The following TNFAIP8 variants were observed in gnomAD, a reference collection of about 807,000 sequenced individuals.
TNFAIP8 encodes the protein tumor necrosis factor alpha-induced protein 8.
Under a neutral mutation model 13.3 loss-of-function variants are expected in TNFAIP8, and 7 were observed. The ratio of observed to expected loss-of-function variants is 0.52; its 90% CI spans 0.30 to 0.99. The LOEUF (loss-of-function observed/expected upper bound fraction) is 0.99. Ranked by LOEUF, TNFAIP8 falls within the 50% of genes least tolerant of loss-of-function variation. TNFAIP8 has a pLI of 0.07. For missense variants in TNFAIP8, 258 were observed against 236.9 expected, an observed-to-expected ratio of 1.09 and a Z score of -0.58; for synonymous variants, 94 against 87.6, an observed-to-expected ratio of 1.07 and a Z score of -0.41.
chr5:119,338,734 A>C (rs7703577), intron 1 of TNFAIP8, among the ~76,000 whole-genome samples: 15,975 of 152,254 alleles, frequency 0.1, 1,053 homozygotes, highest in African/African-American at 0.2. Flanking sequence ...TACAAGAAAG[A>C]GAAACCCCAA....
chr5:119,397,520 G>A lies in TNFAIP8; in HGVS notation c.*4139G>A, dbSNP rs1465518491. 1 of 152,162 alleles carries A rather than the reference G, an allele frequency of 6.6e-6. No homozygotes were observed. The highest frequency in any genetic ancestry group is 1.5e-5 in the Non-Finnish European group (1 of 68,022). The allele number at this position is 152,162 out of a possible 1,614,324, so 9.4% of individuals were successfully genotyped here. On this transcript the variant is annotated 3_prime_UTR_variant, in exon 2 of 2. Coordinates refer to ENST00000504771, the MANE Select transcript of TNFAIP8 (RefSeq NM_014350.4). Reference sequence around the variant, plus strand: ...TTTACTTGATATATTGCATTCTTGAGCATTAGGCTTCTAGGTGATTTGTTA... The same window carrying A: ...TTTACTTGATATATTGCATTCTTGAACATTAGGCTTCTAGGTGATTTGTTA...
chr5:119,371,517 A>G (rs1752070440), intron 1 of TNFAIP8, among the ~76,000 whole-genome samples: 1 of 152,224 alleles, frequency 6.6e-6, no homozygotes, highest in Admixed American at 6.5e-5. Context: ...GGCATAAATT[A>G]AACAATTAAC....
At chr5:119,371,997 C>T (rs577341604) in intron 1 of TNFAIP8, among the ~76,000 whole-genome samples, 9 of 152,100 alleles carry the variant, frequency 5.9e-5, no homozygotes, top group Non-Finnish European at 1.0e-4. Flanking sequence ...ATTAGCCGGG[C>T]GTGGTGGCGG....
At chr5:119,364,163 A>G (rs555021194) in intron 1 of TNFAIP8, among the ~76,000 whole-genome samples, 2 of 152,232 alleles carry the variant, frequency 1.3e-5, no homozygotes, top group East Asian at 1.9e-4. Context: ...TTAAACCTCT[A>G]ATCACCTGAT....
intron 1 of TNFAIP8, among the ~76,000 whole-genome samples, chr5:119,328,458 T>G (rs1750287805): frequency 6.6e-6 from 1 of 152,232 alleles, no homozygotes; most frequent in Non-Finnish European, 1.5e-5. Flanking sequence ...TGGATTGTTG[T>G]CTTTTCAAGA....
chr5:119,352,420 T>G (rs6874848), upstream of TNFAIP8, among the ~76,000 whole-genome samples: 1 of 152,100 alleles, frequency 6.6e-6, no homozygotes, highest in African/African-American at 2.4e-5. Context: ...CCTCAGCAGG[T>G]TAGAAAAAAA....
chr5:119,288,803 A>G (rs1748895265), intron 1 of TNFAIP8, among the ~76,000 whole-genome samples: 1 of 152,238 alleles, frequency 6.6e-6, no homozygotes, highest in African/African-American at 2.4e-5. Context: ...TAAATACCAG[A>G]ATCTCTTTGA....
intron 1 of TNFAIP8, among the ~76,000 whole-genome samples, chr5:119,290,093 A>T (rs972952153): frequency 6.6e-6 from 1 of 151,780 alleles, no homozygotes; most frequent in Non-Finnish European, 1.5e-5. Context: ...GGACTTATTA[A>T]TCTAGTTGTA....
intron 1 of TNFAIP8, among the ~76,000 whole-genome samples, chr5:119,387,723 T>C (rs1237384396): frequency 6.6e-6 from 1 of 152,190 alleles, no homozygotes; most frequent in Admixed American, 6.5e-5. Flanking sequence ...TCCCTAAATA[T>C]CACTTTGCCT....
In TNFAIP8 at chr5:119,281,626, A is replaced by G. The variant is rs545656025; in HGVS notation, c.1+12719A>G. On this transcript the variant is annotated intron_variant, in intron 1 of 1. Transcript: ENST00000274456. Reference sequence around the variant, plus strand: ...AAATAATTTCTTTGGCATATGCCATACTAATTCTTTCCCACCTTAAAAAAA... The same window carrying G: ...AAATAATTTCTTTGGCATATGCCATGCTAATTCTTTCCCACCTTAAAAAAA... Among the ~76,000 whole-genome samples, 4 of 152,342 alleles carry G rather than the reference A, an allele frequency of 2.6e-5. No individual in the cohort carries two copies. The South Asian group carries it at 8.3e-4, about 32-fold the overall frequency.
intron 1 of TNFAIP8, among the ~76,000 whole-genome samples, chr5:119,317,857 A>G (rs1294966232): frequency 6.6e-6 from 1 of 152,126 alleles, no homozygotes; most frequent in African/African-American, 2.4e-5. Context: ...CTTGGCTCCC[A>G]AAGTGCTGGG....
chr5:119,353,671 A>C (rs202204912), upstream of TNFAIP8, among the ~76,000 whole-genome samples: 1,058 of 117,762 alleles, frequency 9.0e-3, 4 homozygotes, highest in Non-Finnish European at 0.014. Context: ...GGAGCGCTTG[A>C]ACTATTCATT....
intron 1 of TNFAIP8, among the ~76,000 whole-genome samples, chr5:119,346,715 A>AAAT (rs1463347394): frequency 6.6e-6 from 1 of 152,230 alleles, no homozygotes; most frequent in Admixed American, 6.5e-5. Flanking sequence ...AATTCGCTTG[A>AAAT]AATAGTCATT....
Position 119,393,771 on chromosome 5 carries a change from A to C in TNFAIP8, c.*390A>C. The stretch of plus-strand genomic sequence containing the variant: ...TTTTGATTTACTTTCATTTCTTGCT[A>C]TGTATATGTACTTTTCTTAAAATGC... On this transcript the variant is annotated 3_prime_UTR_variant, in exon 2 of 2. Coordinates refer to ENST00000504771, the MANE Select transcript of TNFAIP8 (RefSeq NM_014350.4). The C allele has an allele frequency of 5.6e-6, 1 of 179,878 alleles. No homozygotes were observed. Among genetic ancestry groups the C allele is most frequent in the Non-Finnish European group, 1.2e-5 (1 of 83,274 alleles). The allele number at this position is 179,878 out of a possible 1,614,324, so 11.1% of individuals were successfully genotyped here.
chr5:119,387,544 AGTG>A (rs1752728689), intron 1 of TNFAIP8, among the ~76,000 whole-genome samples: 1 of 152,164 alleles, frequency 6.6e-6, no homozygotes, highest in Non-Finnish European at 1.5e-5. Flanking sequence ...GAAAATTCTC[AGTG>A]GGAGTAGTTA....
At chr5:119,322,344 G>A (rs1053622319) in intron 1 of TNFAIP8, among the ~76,000 whole-genome samples, 36 of 152,006 alleles carry the variant, frequency 2.4e-4, no homozygotes, top group African/African-American at 8.5e-4. Context: ...TACTCCTTGA[G>A]GAGTGGTCCC....
intron 1 of TNFAIP8, among the ~76,000 whole-genome samples, chr5:119,376,832 C>G (rs188718381): frequency 1.3e-5 from 2 of 152,120 alleles, no homozygotes; most frequent in African/African-American, 2.4e-5. Context: ...CTGTGGGAGA[C>G]TTCACCAACT....
At chr5:119,371,848 C>G (rs952535681) in intron 1 of TNFAIP8, among the ~76,000 whole-genome samples, 1 of 151,914 alleles carries the variant, frequency 6.6e-6, no homozygotes, top group African/African-American at 2.4e-5. Context: ...ATGGCAAAAC[C>G]CCATCTCGGC....
intron 1 of TNFAIP8, among the ~76,000 whole-genome samples, chr5:119,380,097 A>G (rs1280522004): frequency 6.6e-6 from 1 of 152,202 alleles, no homozygotes; most frequent in Non-Finnish European, 1.5e-5. Flanking sequence ...GCCACTGTTT[A>G]TGCACCCTTA....
Sources: allele counts gnomAD v4.1 joint callset (sites outside exome capture counted in the v4.1 genomes callset), GRCh38; gene constraint gnomAD v4.1.1; transcripts MANE v1.5; gene names NCBI Gene and HGNC (gene_info 2026-07-23, HGNC 2026-07-21).